The following B9D1 variants were observed in gnomAD, a reference collection of about 807,000 sequenced individuals.
B9D1 encodes the protein B9 domain-containing protein 1.
B9D1 carries 20 observed loss-of-function variants against 26.1 expected under a neutral mutation model. The observed-to-expected ratio is 0.77, with a 90% CI of 0.54 to 1.12. The LOEUF (loss-of-function observed/expected upper bound fraction) is 1.12. Ranked by LOEUF, B9D1 falls within the 50% of genes most tolerant of loss-of-function variation. B9D1 has a pLI of 0.00. For missense variants in B9D1, 260 were observed against 273.7 expected (o/e 0.95, Z 0.35); for synonymous variants, 105 against 103.1 (o/e 1.02, Z -0.11).
chr17:19,335,254 C>T, downstream of B9D1: 1 of 694,412 alleles, frequency 1.4e-6, no homozygotes, highest in Admixed American at 3.3e-5. Context: ...TGGTGAATTA[C>T]TAAACTGATT....
At position 19,377,875 on chromosome 17, in the gene B9D1, C is replaced by T. The variant is rs1386324556; in HGVS notation, c.-314G>A. On this transcript the variant is annotated 5_prime_UTR_variant, in exon 1 of 6. Transcript: ENST00000477478. Reference sequence around the variant, plus strand: ...GGAAGATACCTAGAAGCCAGGAAACCGCGAGCTGCAGTCCAACTTGGCCGG... The same window carrying T: ...GGAAGATACCTAGAAGCCAGGAAACTGCGAGCTGCAGTCCAACTTGGCCGG... 7 of 985,294 alleles carry T rather than the reference C, an allele frequency of 7.1e-6. No individual in the cohort carries two copies. In the Admixed American group the frequency reaches 3.7e-4, roughly 52 times the overall value. 61.0% of individuals were successfully genotyped at this position (985,294 alleles called of 1,614,324 possible). A position where few individuals can be genotyped will look rare whatever the true frequency, so the allele number is the denominator to read the frequency against.
intron 3 of B9D1, among the ~76,000 whole-genome samples, chr17:19,355,046 A>G (rs1004927303): frequency 9.9e-5 from 15 of 151,926 alleles, no homozygotes; most frequent in African/African-American, 3.6e-4. Context: ...CAGGATTCCA[A>G]TTCCATATGG....
rs757635419 is a variant in B9D1 at position 19,347,778 on chromosome 17, A to T, written c.341+6T>A. The T allele has an allele frequency of 1.9e-6, 3 of 1,612,628 alleles. No homozygotes were observed. Among genetic ancestry groups the T allele is most frequent in the Non-Finnish European group, 8.5e-7 (1 of 1,179,232 alleles). Reference sequence around the variant, plus strand: ...GCCCAGGGCCCAGGTCAGAATGAGGACCTACCGGCCAGGTGAGAAGGGCAC... The same window carrying T: ...GCCCAGGGCCCAGGTCAGAATGAGGTCCTACCGGCCAGGTGAGAAGGGCAC... On this transcript the variant is annotated splice_donor_region_variant and intron_variant, in intron 4 of 6. Coordinates refer to ENST00000261499, the MANE Select transcript of B9D1 (RefSeq NM_015681.6). This position sits in a 1 kb window ranked among gnomAD's most constrained non-coding sequence, Gnocchi z 4.3.
upstream of B9D1, among the ~76,000 whole-genome samples, chr17:19,363,478 AGAG>A (rs2152279775): frequency 6.6e-6 from 1 of 152,348 alleles, no homozygotes; most frequent in South Asian, 2.1e-4. Flanking sequence ...TCCATTTTAC[AGAG>A]GAGGAAACAG....
rs928654815 is a variant in B9D1, at chr17:19,370,677, G to A, written c.-298+7182C>T. Among the ~76,000 whole-genome samples the A allele has an allele frequency of 6.6e-6, 1 of 152,220 alleles. No homozygotes were observed. Among genetic ancestry groups the A allele is most frequent in the Non-Finnish European group, 1.5e-5 (1 of 68,030 alleles). On this transcript the variant is annotated intron_variant, in intron 1 of 5. Transcript: ENST00000477478. The surrounding 1 kb of genome is among the most constrained non-coding windows in gnomAD (Gnocchi z 5.1). ...AGCCTGGCTGTGCTGAATGGTGGAA[G>A]CAGGGGTGAGGCCCCGAGAGGTGTC...
downstream of B9D1, among the ~76,000 whole-genome samples, chr17:19,339,503 G>T (rs934113210): frequency 6.6e-6 from 1 of 152,000 alleles, no homozygotes; most frequent in Non-Finnish European, 1.5e-5. Context: ...TAGCCAACAA[G>T]AGTTTGTTTT....
downstream of B9D1, chr17:19,337,456 G>A (rs1163605453): frequency 2.3e-6 from 1 of 433,352 alleles, no homozygotes; most frequent in Non-Finnish European, 4.3e-6. Context: ...GGACTGCCCT[G>A]CAGCCCTCTG....
chr17:19,348,018 G>A, intron 3 of B9D1, 138 bp from the exon 4 acceptor site: 1 of 754,076 alleles, frequency 1.3e-6, no homozygotes, highest in South Asian at 1.5e-5. Flanking sequence ...AGAGGGGACA[G>A]GAGCAGGCAT....
At chr17:19,368,061 G>A (rs933516365) in intron 1 of B9D1, among the ~76,000 whole-genome samples, 2 of 152,220 alleles carry the variant, frequency 1.3e-5, no homozygotes, top group Admixed American at 1.3e-4. Context: ...CATGGGGAGA[G>A]ACAACTCGGA....
intron 1 of B9D1, among the ~76,000 whole-genome samples, chr17:19,373,132 T>C (rs1318839620): frequency 6.6e-6 from 1 of 152,118 alleles, no homozygotes; most frequent in Non-Finnish European, 1.5e-5. Flanking sequence ...CTGGAACCCA[T>C]GCTGGGACTG....
chr17:19,343,139 G>T, downstream of B9D1: 6 of 1,436,210 alleles, frequency 4.2e-6, no homozygotes, highest in Middle Eastern at 2.6e-4. Flanking sequence ...GTGGGGGAGG[G>T]GCTAAACAGG....
At chr17:19,339,793 T>C (rs932105347), downstream of B9D1, among the ~76,000 whole-genome samples, 1 of 152,156 alleles carries the variant, frequency 6.6e-6, no homozygotes, top group Non-Finnish European at 1.5e-5. Flanking sequence ...GACCCTGAAG[T>C]GGGTCAGACC....
At chr17:19,336,483 G>A (rs976376968), downstream of B9D1, 2 of 152,586 alleles carry the variant, frequency 1.3e-5, no homozygotes, top group African/African-American at 4.8e-5. Context: ...CCCATCTTCT[G>A]GCACAGGCCA....
upstream of B9D1, among the ~76,000 whole-genome samples, chr17:19,364,847 G>A (rs1911501298): frequency 6.6e-6 from 1 of 152,270 alleles, no homozygotes. The surrounding 1 kb of genome is among the most constrained non-coding windows in gnomAD (Gnocchi z 4.3). Flanking sequence ...ACATTGGGCA[G>A]GCGGGGCTGT....
At chr17:19,375,438 C>CTTA (rs1418306143) in intron 1 of B9D1, among the ~76,000 whole-genome samples, 1 of 152,036 alleles carries the variant, frequency 6.6e-6, no homozygotes, top group African/African-American at 2.4e-5. Context: ...TTCACACCCA[C>CTTA]TAGGATGGCT....
intron 3 of B9D1, among the ~76,000 whole-genome samples, chr17:19,352,146 A>C (rs963829622): frequency 1.3e-5 from 2 of 151,972 alleles, no homozygotes; most frequent in Non-Finnish European, 2.9e-5. Context: ...TCAGCCTCCC[A>C]AAGTGTTGGG....
At chr17:19,352,483 G>A (rs1332189390) in intron 3 of B9D1, among the ~76,000 whole-genome samples, 1 of 150,058 alleles carries the variant, frequency 6.7e-6, no homozygotes, top group Non-Finnish European at 1.5e-5. Flanking sequence ...CCATTAGCTG[G>A]GATTATAGGC....
chr17:19,351,688 C>G (rs1909628734), intron 3 of B9D1, among the ~76,000 whole-genome samples: 1 of 152,138 alleles, frequency 6.6e-6, no homozygotes, highest in East Asian at 1.9e-4. Context: ...ATTATAGATT[C>G]AATTTAATAG....
chr17:19,366,647 A>G (rs1365601397), upstream of B9D1, among the ~76,000 whole-genome samples: 2 of 152,154 alleles, frequency 1.3e-5, no homozygotes, highest in African/African-American at 4.8e-5. Context: ...TGTGACTCCA[A>G]GTCCCCAAAT....
Sources: gnomAD v4.1 joint callset for allele counts (sites outside exome capture counted in the v4.1 genomes callset) on GRCh38, gnomAD v4.1.1 for gene constraint, Gnocchi (gnomAD v3.1) non-coding constraint, MANE v1.5 for transcripts, NCBI Gene and HGNC (gene_info 2026-07-23, HGNC 2026-07-21) for gene names.